Variants in PACRG observed in about 807,000 individuals in gnomAD.
The protein encoded by PACRG is parkin coregulated, also known as parkin coregulated gene protein.
Under a neutral mutation model 29.7 loss-of-function variants are expected in PACRG, and 29 were observed. The observed-to-expected ratio is 0.98, with a 90% CI of 0.73 to 1.33. The LOEUF (loss-of-function observed/expected upper bound fraction) is 1.33, where lower values mean the gene tolerates loss of function less well. Among genes scored for constraint, PACRG ranks in the 40% most tolerant of loss-of-function variants. The pLI is 0.00. For missense variants in PACRG, 279 were observed against 316.2 expected, an observed-to-expected ratio of 0.88 and a Z score of 0.89; for synonymous variants, 116 against 118.7, an observed-to-expected ratio of 0.98 and a Z score of 0.15.
At chr6:163,018,262 A>G (rs1387349530) in intron 2 of PACRG, among the ~76,000 whole-genome samples, 2 of 152,148 alleles carry the variant, frequency 1.3e-5, no homozygotes, top group Non-Finnish European at 2.9e-5. Context: ...ACACTACCAA[A>G]GCATTATAGC....
At chr6:163,129,227 G>A (rs558720016) in intron 4 of PACRG, among the ~76,000 whole-genome samples, 4 of 152,334 alleles carry the variant, frequency 2.6e-5, no homozygotes, top group African/African-American at 9.6e-5. Context: ...AACAATTTGA[G>A]CGCGATTTGA....
chr6:163,274,518 A>G (rs1408289921), intron 4 of PACRG, among the ~76,000 whole-genome samples: 1 of 152,204 alleles, frequency 6.6e-6, no homozygotes, highest in Non-Finnish European at 1.5e-5. Context: ...TTATAGCAGC[A>G]TGATTTATAA....
chr6:163,084,360 G>C (rs180864837), intron 3 of PACRG, among the ~76,000 whole-genome samples: 1 of 152,048 alleles, frequency 6.6e-6, no homozygotes, highest in Admixed American at 6.6e-5. Flanking sequence ...CTTTAATTCC[G>C]CTGTGACAGT....
chr6:162,948,098 G>C (rs969384921), intron 2 of PACRG, among the ~76,000 whole-genome samples: 2 of 151,924 alleles, frequency 1.3e-5, no homozygotes, highest in Non-Finnish European at 2.9e-5. Flanking sequence ...GCAATCCTGA[G>C]CAAAAAGAAC....
At chr6:162,865,101 T>C (rs1268801318) in intron 2 of PACRG, among the ~76,000 whole-genome samples, 1 of 152,152 alleles carries the variant, frequency 6.6e-6, no homozygotes, top group Admixed American at 6.5e-5. Context: ...ATACTCCCTC[T>C]AGGACGGGAT....
intron 2 of PACRG, among the ~76,000 whole-genome samples, chr6:163,040,985 G>A (rs926727444): frequency 8.5e-5 from 13 of 152,104 alleles, no homozygotes; most frequent in South Asian, 2.1e-4. Context: ...GGGAGGGGCC[G>A]GGGCAGAATA....
At chr6:163,088,880 G>A (rs1225399963) in intron 3 of PACRG, among the ~76,000 whole-genome samples, 3 of 152,076 alleles carry the variant, frequency 2.0e-5, no homozygotes, top group Non-Finnish European at 4.4e-5. Context: ...TTGCATGAAA[G>A]AGATTGTTGC....
chr6:163,120,395 T>A (rs73786984), intron 4 of PACRG, among the ~76,000 whole-genome samples: 4,719 of 152,148 alleles, frequency 0.031, 266 homozygotes, highest in African/African-American at 0.11. Context: ...CTGTCCTCAG[T>A]GTGTGAAATG....
At chr6:163,093,879 A>C (rs1814334773) in intron 4 of PACRG, among the ~76,000 whole-genome samples, 1 of 152,232 alleles carries the variant, frequency 6.6e-6, no homozygotes, top group African/African-American at 2.4e-5. Context: ...ATTAAAACAT[A>C]TGGGGAATGA....
chr6:162,967,257 A>C (rs1801118456), intron 2 of PACRG, among the ~76,000 whole-genome samples: 1 of 151,980 alleles, frequency 6.6e-6, no homozygotes, highest in East Asian at 1.9e-4. Flanking sequence ...ACTGAAAAAA[A>C]AAACCTTTCA....
At chr6:162,995,326 G>A (rs913221349) in intron 2 of PACRG, among the ~76,000 whole-genome samples, 2 of 150,974 alleles carry the variant, frequency 1.3e-5, no homozygotes, top group Non-Finnish European at 3.0e-5. Flanking sequence ...AATGGCGGGC[G>A]CCCCTCCCCC....
In PACRG at chr6:162,874,924, T is replaced by TAC. The variant is rs751883982; in HGVS notation, c.291+60653_291+60654dup. Among the ~76,000 whole-genome samples, 5 of 151,852 alleles carry TAC rather than the reference T, an allele frequency of 3.3e-5. No homozygotes were observed. In the East Asian group the frequency reaches 9.7e-4, roughly 29 times the overall value. On this transcript the variant is annotated intron_variant, in intron 2 of 4. Transcript: ENST00000366888. The stretch of plus-strand genomic sequence containing the variant: ...ACATTCACACAGTTACACATTCATA[T>TAC]ACACACACACATACACTCACACAGT...
In PACRG at chr6:162,918,358, T is replaced by C. The variant is rs141646477; in HGVS notation, c.291+104077T>C. ...ACTATAATAATGAATATCAAACCAA[T>C]TTATAATGATATACTGAAAATCAAA... On this transcript the variant is annotated intron_variant, in intron 2 of 4. Coordinates refer to ENST00000366888, the MANE Select transcript of PACRG (RefSeq NM_001080379.2). Among the ~76,000 whole-genome samples the C allele has an allele frequency of 2.8e-3, 430 of 152,332 alleles. 6 individuals carry two copies. The highest frequency in any genetic ancestry group is 9.5e-3 in the African/African-American group (393 of 41,582).
At chr6:162,886,471 C>CA (rs1365542930) in intron 2 of PACRG, among the ~76,000 whole-genome samples, 1 of 152,178 alleles carries the variant, frequency 6.6e-6, no homozygotes, top group Non-Finnish European at 1.5e-5. Context: ...TTCATACAAT[C>CA]ACATGGCACG....
intron 4 of PACRG, among the ~76,000 whole-genome samples, chr6:163,235,930 A>T (rs1324510769): frequency 4.0e-5 from 6 of 151,760 alleles, no homozygotes; most frequent in South Asian, 4.2e-4. Context: ...AAAGGAAAAA[A>T]GTTGTTTTTT....
chr6:162,943,274 T>A (rs1473333241), intron 2 of PACRG, among the ~76,000 whole-genome samples: 1 of 152,150 alleles, frequency 6.6e-6, no homozygotes. Context: ...CCCACATCTT[T>A]ACATCCCTGA....
intron 1 of PACRG, among the ~76,000 whole-genome samples, chr6:162,729,096 A>C (rs1243301208): frequency 6.6e-6 from 1 of 152,224 alleles, no homozygotes; most frequent in Non-Finnish European, 1.5e-5. Flanking sequence ...TTAGAGAAAA[A>C]AGATTAAAAA....
chr6:162,814,252 G>A lies in PACRG; in HGVS notation c.262G>A (p.Asp88Asn). The A allele has an allele frequency of 6.2e-7, 1 of 1,613,778 alleles. No homozygotes were observed. The highest frequency in any genetic ancestry group is 1.7e-5 in the Admixed American group (1 of 60,004). Residue 88 changes from aspartate (D) to asparagine (N), a missense_variant, in exon 2 of 5, where the codon GAT (aspartate) becomes AAT (asparagine). Coordinates refer to ENST00000366888, the MANE Select transcript of PACRG (RefSeq NM_001080379.2). ...RGDFPIALEH[D>N]SKGNKIAWKV... ...TGACTTCCCAATTGCCCTTGAGCAT[G>A]ATTCGAAAGGAAACAAAATCGCCTG... is the stretch of plus-strand genomic sequence containing the variant.
intron 4 of PACRG, among the ~76,000 whole-genome samples, chr6:163,268,334 A>G (rs7383635): frequency 0.61 from 91,273 of 150,852 alleles, 27,895 homozygotes; most frequent in Middle Eastern, 0.69. Flanking sequence ...CCTGGGAGGC[A>G]GAGCTTGCAG....
Sources: gnomAD v4.1 joint callset for allele counts (sites outside exome capture counted in the v4.1 genomes callset) on GRCh38, gnomAD v4.1.1 for gene constraint, MANE v1.5 for transcripts, NCBI Gene and HGNC (gene_info 2026-07-23, HGNC 2026-07-21) for gene names.